CAMTA1: variants seen among roughly 807,000 people sequenced by gnomAD.
CAMTA1 encodes the protein calmodulin binding transcription activator 1.
In CAMTA1, 27 loss-of-function variants were observed where a neutral mutation model predicts 170.9. That is an observed-to-expected ratio of 0.16 (90% confidence interval 0.12 to 0.22). The LOEUF (loss-of-function observed/expected upper bound fraction) is 0.22. Among genes scored for constraint, CAMTA1 ranks in the 10% least tolerant of loss-of-function variants. The pLI is 1.00. For missense variants in CAMTA1, 1,619 were observed against 2,217.2 expected (o/e 0.73, Z 5.42); for synonymous variants, 833 against 891.5 (o/e 0.93, Z 1.17).
chr1:7,261,708 G>A (rs998249032), intron 5 of CAMTA1, among the ~76,000 whole-genome samples: 42 of 152,164 alleles, frequency 2.8e-4, no homozygotes, highest in African/African-American at 7.5e-4. Flanking sequence ...GGCATGTGGC[G>A]CCCCAGCCAT....
At chr1:7,017,165 C>T (rs1700685517) in intron 3 of CAMTA1, among the ~76,000 whole-genome samples, 1 of 152,230 alleles carries the variant, frequency 6.6e-6, no homozygotes, top group African/African-American at 2.4e-5. Flanking sequence ...CCTCCTGGTG[C>T]TACAGAAGAA....
At chr1:7,183,739 G>A (rs1273751181) in intron 4 of CAMTA1, among the ~76,000 whole-genome samples, 1 of 152,206 alleles carries the variant, frequency 6.6e-6, no homozygotes, top group Non-Finnish European at 1.5e-5. Flanking sequence ...GCATCTGTGG[G>A]TGGGAGTAGG....
intron 5 of CAMTA1, among the ~76,000 whole-genome samples, chr1:7,327,837 T>C (rs1442500630): frequency 6.6e-6 from 1 of 152,250 alleles, no homozygotes; most frequent in Non-Finnish European, 1.5e-5. Context: ...TGGAGTCTTG[T>C]TGAAAGTGAA....
chr1:7,107,163 TG>T (rs1473613022), intron 4 of CAMTA1, among the ~76,000 whole-genome samples: 1 of 152,068 alleles, frequency 6.6e-6, no homozygotes, highest in Admixed American at 6.5e-5. Flanking sequence ...GTGGAAAACA[TG>T]GCCCCTGATC....
chr1:7,331,204 A>T (rs1418601547), intron 5 of CAMTA1, among the ~76,000 whole-genome samples: 9 of 152,048 alleles, frequency 5.9e-5, no homozygotes, highest in Non-Finnish European at 1.2e-4. Flanking sequence ...ATGCCATTGC[A>T]CTCCAGTCTG....
chr1:7,543,144 G>A (rs1214594738), intron 6 of CAMTA1, among the ~76,000 whole-genome samples: 1 of 152,176 alleles, frequency 6.6e-6, no homozygotes, highest in Non-Finnish European at 1.5e-5. Flanking sequence ...TGGGATTACA[G>A]GTGTGAAACA....
At chr1:6,926,574 CCTT>C (rs1209532020) in intron 3 of CAMTA1, among the ~76,000 whole-genome samples, 1 of 131,864 alleles carries the variant, frequency 7.6e-6, no homozygotes, top group African/African-American at 2.9e-5. Flanking sequence ...CTCTCTCTCT[CCTT>C]CTCTCTCTCC....
intron 3 of CAMTA1, among the ~76,000 whole-genome samples, chr1:6,907,865 C>G (rs1192432205): frequency 6.6e-6 from 1 of 152,162 alleles, no homozygotes; most frequent in East Asian, 1.9e-4. Flanking sequence ...TGGCGCAGTT[C>G]CAGCCTCTCC....
At chr1:7,533,109 C>T (rs925189607) in intron 6 of CAMTA1, among the ~76,000 whole-genome samples, 8 of 152,172 alleles carry the variant, frequency 5.3e-5, no homozygotes, top group Non-Finnish European at 1.0e-4. Flanking sequence ...CTGTGGTGCC[C>T]GGGTGCTGGG....
In CAMTA1 at chr1:7,677,608, C is replaced by T; in HGVS notation, c.2789C>T (p.Thr930Ile). The change falls in exon 11 of 23, where the codon ACT (threonine) becomes ATT (isoleucine). Residue 930 changes from threonine to isoleucine, a missense_variant. Around this residue, in one of 8 missense-constraint regions of CAMTA1, gnomAD observed 143 missense variants for 184.2 expected, o/e 0.78. Transcript: ENST00000303635. Reference protein sequence around the residue: ...VLRCYCPAHDTGLVTLQVAFN... With the variant: ...VLRCYCPAHDIGLVTLQVAFN... ...TTTCTCTCGCTTTCAGCCCATGACA[C>T]TGGTCTTGTGACCCTACAAGTTGCC... 1 of 1,614,060 alleles carries T rather than the reference C, an allele frequency of 6.2e-7. No individual in the cohort carries two copies. The highest frequency in any genetic ancestry group is 8.5e-7 in the Non-Finnish European group (1 of 1,179,946).
At chr1:6,933,753 G>T (rs757798281) in intron 3 of CAMTA1, among the ~76,000 whole-genome samples, 28 of 147,406 alleles carry the variant, frequency 1.9e-4, no homozygotes, top group Non-Finnish European at 3.6e-4. Flanking sequence ...ATTGCATTTT[G>T]CCCCTTTGTA....
In CAMTA1 at chr1:7,435,737, G is replaced by A. The variant is rs1049553852; in HGVS notation, c.439-32093G>A. Among the ~76,000 whole-genome samples, 2 of 152,168 alleles carry A rather than the reference G, an allele frequency of 1.3e-5. No individual in the cohort carries two copies. The highest frequency in any genetic ancestry group is 6.5e-5 in the Admixed American group (1 of 15,278). ...TATAGCCCGATCATGGCATTGTCAC[G>A]GTGGCACAGGGGCCCGCCTATCTGA... On this transcript the variant is annotated intron_variant, in intron 5 of 22. Coordinates refer to ENST00000303635, the MANE Select transcript of CAMTA1 (RefSeq NM_015215.4). This position sits in a 1 kb window ranked among gnomAD's most constrained non-coding sequence, Gnocchi z 4.4.
chr1:6,941,734 C>T (rs1686668441), intron 3 of CAMTA1, among the ~76,000 whole-genome samples: 5 of 152,248 alleles, frequency 3.3e-5, no homozygotes, highest in Admixed American at 3.3e-4. Context: ...TCTGGGCAGT[C>T]CTGCAGTGCA....
At chr1:7,172,425 C>T (rs1289054673) in intron 4 of CAMTA1, among the ~76,000 whole-genome samples, 2 of 152,244 alleles carry the variant, frequency 1.3e-5, no homozygotes, top group Admixed American at 1.3e-4. Flanking sequence ...GCCGGGATTA[C>T]AGGCATGAGC....
chr1:6,964,984 C>G (rs1304340849), intron 3 of CAMTA1, among the ~76,000 whole-genome samples: 3 of 152,084 alleles, frequency 2.0e-5, no homozygotes, highest in African/African-American at 4.8e-5. Context: ...GAGCCCTCCT[C>G]CAAGGGTCGC....
At chr1:7,486,289 C>T (rs1224693009) in intron 6 of CAMTA1, among the ~76,000 whole-genome samples, 1 of 152,226 alleles carries the variant, frequency 6.6e-6, no homozygotes, top group African/African-American at 2.4e-5. Flanking sequence ...AATACCACCA[C>T]TGTAGCTGTC....
intron 5 of CAMTA1, among the ~76,000 whole-genome samples, chr1:7,274,165 A>G (rs1382933388): frequency 6.6e-6 from 1 of 152,192 alleles, no homozygotes; most frequent in African/African-American, 2.4e-5. Context: ...GCTAGAGAGT[A>G]TCAGACTGGA....
intron 3 of CAMTA1, among the ~76,000 whole-genome samples, chr1:7,023,107 C>T (rs576867778): frequency 3.3e-5 from 5 of 152,214 alleles, no homozygotes; most frequent in East Asian, 1.9e-4. Context: ...CTCAGGAACA[C>T]GGTATACCCC....
At chr1:7,655,223 TACACAC>T (rs148424846) in intron 7 of CAMTA1, among the ~76,000 whole-genome samples, 2 of 135,200 alleles carry the variant, frequency 1.5e-5, no homozygotes, top group African/African-American at 2.9e-5. Flanking sequence ...CACCCATCTA[TACACAC>T]ACACACCTAT....
Sources: gnomAD v4.1 joint callset for allele counts (sites outside exome capture counted in the v4.1 genomes callset) on GRCh38, gnomAD v4.1.1 for gene constraint, gnomAD v4.1.1 regional missense constraint, Gnocchi (gnomAD v3.1) non-coding constraint, MANE v1.5 for transcripts, NCBI Gene and HGNC (gene_info 2026-07-23, HGNC 2026-07-21) for gene names.